ZNF674: variants seen among roughly 807,000 people sequenced by gnomAD.
ZNF674 encodes the protein zinc finger family member 674.
Under a neutral mutation model 7.0 loss-of-function variants are expected in ZNF674, and 2 were observed. That is an observed-to-expected ratio of 0.29 (90% CI 0.12 to 0.90). The LOEUF is 0.90. Among genes scored for constraint, ZNF674 ranks in the 40% least tolerant of loss-of-function variants. The pLI is 0.57. For synonymous variants in ZNF674, 103 were observed against 145.2 expected (o/e 0.71, Z 2.09); for missense variants, 297 against 415.5 (o/e 0.71, Z 2.48).
chrX:46,512,619 T>C (rs1488036440), intron 5 of ZNF674, among the ~76,000 whole-genome samples: 1 of 105,353 alleles, frequency 9.5e-6, no homozygotes, highest in African/African-American at 3.5e-5. Flanking sequence ...AAAAAATTAG[T>C]TGGGCATGGT....
intron 3 of ZNF674, among the ~76,000 whole-genome samples, chrX:46,537,358 C>T (rs1404353255): frequency 9.2e-6 from 1 of 108,722 alleles, no homozygotes; most frequent in African/African-American, 3.3e-5. Flanking sequence ...ACAGTAGGAG[C>T]ATATTTTCAT....
At chrX:46,522,361 A>G (rs1941930521) in intron 5 of ZNF674, among the ~76,000 whole-genome samples, 1 of 110,993 alleles carries the variant, frequency 9.0e-6, no homozygotes, top group Non-Finnish European at 1.9e-5. Context: ...AACAACCCAA[A>G]CACCATCAAG....
At chrX:46,513,875 G>A (rs1430488874) in intron 5 of ZNF674, among the ~76,000 whole-genome samples, 1 of 110,769 alleles carries the variant, frequency 9.0e-6, no homozygotes, top group Non-Finnish European at 1.9e-5. Context: ...AGAGCAGCCT[G>A]GGCAATATGG....
chrX:46,528,395 C>CG lies in ZNF674; in HGVS notation c.192dup (p.Glu65ArgfsTer21). The CG allele has an allele frequency of 8.3e-7, 1 of 1,211,800 alleles. No homozygotes were observed. Among genetic ancestry groups the CG allele is most frequent in the Non-Finnish European group, 1.1e-6 (1 of 895,563 alleles). ...GTCCCTCCATCTGCCATCCAGGACT[C>CG]GTCACCTGGTCCCAACCTGAAGATC... On this transcript the variant is annotated frameshift_variant, in exon 5 of 6. Coordinates refer to ENST00000683375, the MANE Select transcript of ZNF674 (RefSeq NM_001190417.2). LOFTEE classifies it low-confidence loss of function (END_TRUNC).
chrX:46,526,573 C>T lies in ZNF674; in HGVS notation c.238+1777G>A, dbSNP rs140040776. On this transcript the variant is annotated intron_variant, in intron 5 of 5. Transcript: ENST00000683375. ...GATTACAAGTCTGAGTCACTGTGCC[C>T]GGCCATTCAAAGGTTATCAGCAACG... Among the ~76,000 whole-genome samples, 51 of 110,996 alleles carry T rather than the reference C, an allele frequency of 4.6e-4. No individual in the cohort carries two copies. In the East Asian group the frequency reaches 7.9e-3, roughly 17 times the overall value.
intron 3 of ZNF674, among the ~76,000 whole-genome samples, chrX:46,540,661 A>G (rs1942276440): frequency 8.9e-6 from 1 of 111,788 alleles, no homozygotes; most frequent in African/African-American, 3.2e-5. Flanking sequence ...TTTAAGTCTC[A>G]CTACCTTTTA....
At position 46,500,727 on chromosome X, in the gene ZNF674, T is replaced by G; in HGVS notation, c.847A>C (p.Thr283Pro). Residue 283 changes from threonine to proline, a missense_variant, in exon 6 of 6, where the codon ACC becomes CCC. Transcript: ENST00000683375. ...KPYECSECGKTFIQKSTLIKH... is the reference protein window; with the variant it reads ...KPYECSECGKPFIQKSTLIKH... ...ATCAGAGTTGACTTCTGGATAAAGG[T>G]TTTTCCACATTCACTGCATTCATAG... The G allele has an allele frequency of 8.3e-7, 1 of 1,209,205 alleles. No individual in the cohort carries two copies. Among genetic ancestry groups the G allele is most frequent in the Non-Finnish European group, 1.1e-6 (1 of 894,217 alleles).
At chrX:46,518,890 C>CTAAATAAATAAATAAA (rs200920300) in intron 5 of ZNF674, among the ~76,000 whole-genome samples, 1 of 99,463 alleles carries the variant, frequency 1.0e-5, no homozygotes, top group South Asian at 4.9e-4. Flanking sequence ...GACTCCGTCT[C>CTAAATAAATAAATAAA]TAAATAAATA....
chrX:46,537,987 G>C (rs1038188793), intron 3 of ZNF674, among the ~76,000 whole-genome samples: 7 of 110,773 alleles, frequency 6.3e-5, no homozygotes, highest in African/African-American at 2.3e-4. Flanking sequence ...TACCTGGGTG[G>C]CTGAGGTGGG....
At chrX:46,529,074 G>C (rs1355137603) in intron 3 of ZNF674, 165 bp from the exon 4 acceptor site, 3 of 930,064 alleles carry the variant, frequency 3.2e-6, no homozygotes, top group African/African-American at 3.9e-5. Flanking sequence ...CAGATGAAGA[G>C]TGTGAGGCAC....
In ZNF674 at chrX:46,499,543, T is replaced by C. The variant is rs1280476109; in HGVS notation, c.*300A>G. On this transcript the variant is annotated 3_prime_UTR_variant, in exon 6 of 6. Transcript: ENST00000683375. ...CTCTGATAAACAGTGCCATTTAAAT[T>C]ATTTCTGAAGGCTTTCCCACATAAC... is the stretch of plus-strand genomic sequence containing the variant. 1 of 187,769 alleles carries C rather than the reference T, an allele frequency of 5.3e-6. No individual in the cohort carries two copies. Among genetic ancestry groups the C allele is most frequent in the East Asian group, 1.1e-4 (1 of 9,470 alleles). The allele number at this position is 187,769 out of a possible 1,213,427, so 15.5% of individuals were successfully genotyped here. A position where few individuals can be genotyped will look rare whatever the true frequency, so the allele number is the denominator to read the frequency against.
At chrX:46,511,810 G>A (rs1941659214) in intron 5 of ZNF674, among the ~76,000 whole-genome samples, 2 of 111,045 alleles carry the variant, frequency 1.8e-5, no homozygotes, top group Admixed American at 9.6e-5. Context: ...GATCACCTGA[G>A]GTCGGAGTTC....
intron 5 of ZNF674, chrX:46,523,195 T>G (rs2146605721): frequency 5.2e-6 from 1 of 193,401 alleles, no homozygotes; most frequent in African/African-American, 3.0e-5. Flanking sequence ...TGTGAAAAGA[T>G]CAATACAATG....
At chrX:46,515,542 G>A (rs924227226) in intron 5 of ZNF674, among the ~76,000 whole-genome samples, 17 of 111,614 alleles carry the variant, frequency 1.5e-4, no homozygotes, top group Non-Finnish European at 2.8e-4. Context: ...AGCTTGTTCT[G>A]TGATCTTATT....
chrX:46,538,097 A>G (rs937712062), intron 3 of ZNF674, among the ~76,000 whole-genome samples: 2 of 111,300 alleles, frequency 1.8e-5, no homozygotes, highest in African/African-American at 3.3e-5. Context: ...TCAAAAAAAA[A>G]AAAAAGTTTC....
Position 46,500,521 on chromosome X carries a change from T to C in ZNF674, c.1053A>G (p.Lys351=), listed in dbSNP as rs1466025544. Residue 351 remains lysine, a synonymous_variant, in exon 6 of 6, where the codon AAA becomes AAG. Transcript: ENST00000683375. ...LIYQRIHTSE[K]PQCSEHGKAS... Reference sequence around the variant, plus strand: ...CTTTCCCATGTTCACTGCACTGAGGTTTCTCACTTGTGTGAATTCTTTGAT... The same window carrying C: ...CTTTCCCATGTTCACTGCACTGAGGCTTCTCACTTGTGTGAATTCTTTGAT... The C allele has an allele frequency of 5.8e-6, 7 of 1,211,738 alleles. No homozygotes were observed. Among genetic ancestry groups the C allele is most frequent in the South Asian group, 1.8e-5 (1 of 57,034 alleles).
rs1242471426 is a variant in ZNF674 at position 46,502,314 on chromosome X, A to AAAAAAG, written c.239-980_239-979insCTTTTT. On this transcript the variant is annotated intron_variant, in intron 5 of 5. Coordinates refer to ENST00000683375, the MANE Select transcript of ZNF674 (RefSeq NM_001190417.2). ...GAGCAAGACTCCGTCTCAAAAAAAAAAAAAGAAAAGAAAATTTAAAACCTT... is the reference window on the plus strand; with the variant it reads ...GAGCAAGACTCCGTCTCAAAAAAAAAAAAAAGAAAAGAAAAGAAAATTTAAAACCTT... 1.6e-3 allele frequency among the ~76,000 whole-genome samples: 179 copies of AAAAAAG among 108,941 alleles called. 3 individuals carry two copies. Among genetic ancestry groups the AAAAAAG allele is most frequent in the African/African-American group, 5.6e-3 (169 of 29,996 alleles). The allele number at this position is 108,941 out of a possible 115,157, so 94.6% of individuals were successfully genotyped here. A position where few individuals can be genotyped will look rare whatever the true frequency, so the allele number is the denominator to read the frequency against.
intron 5 of ZNF674, among the ~76,000 whole-genome samples, chrX:46,516,435 G>T (rs1301963513): frequency 8.9e-6 from 1 of 112,198 alleles, no homozygotes; most frequent in Non-Finnish European, 1.9e-5. Flanking sequence ...CTTCACTCAA[G>T]AGAAAGCAAA....
chrX:46,500,106 T>C lies in ZNF674; in HGVS notation c.1468A>G (p.Arg490Gly). 2 of 1,212,030 alleles carry C rather than the reference T, an allele frequency of 1.7e-6. No homozygotes were observed. Among genetic ancestry groups the C allele is most frequent in the Non-Finnish European group, 2.2e-6 (2 of 895,524 alleles). The change falls in exon 6 of 6, where the codon AGA becomes GGA. Residue 490 changes from arginine to glycine, a missense_variant. Coordinates refer to ENST00000683375, the MANE Select transcript of ZNF674 (RefSeq NM_001190417.2). ...TTACAGTCAGTGCATTCATAGGGTC[T>C]CTCTCCTGTATGAATTCTCTGATGT... is the stretch of plus-strand genomic sequence containing the variant. ...IKHQRIHTGERPYECTDCKKA... is the reference protein window; with the variant it reads ...IKHQRIHTGEGPYECTDCKKA...
Sources: allele counts gnomAD v4.1 joint callset (sites outside exome capture counted in the v4.1 genomes callset), GRCh38; gene constraint gnomAD v4.1.1; transcripts MANE v1.5; gene names NCBI Gene and HGNC (gene_info 2026-07-23, HGNC 2026-07-21).